The following CDH12 variants were observed in gnomAD, a reference collection of about 807,000 sequenced individuals.
CDH12 encodes the protein cadherin 12, also known as cadherin-12.
In CDH12, 41 loss-of-function variants were observed where a neutral mutation model predicts 74.1. That is an observed-to-expected ratio of 0.55 (90% CI 0.43 to 0.72). CDH12 has a LOEUF of 0.72. CDH12 is among the 30% of genes least tolerant of loss of function. The pLI, the probability that CDH12 is intolerant of heterozygous loss-of-function variation, is 0.00. For missense variants in CDH12, 945 were observed against 977.2 expected (o/e 0.97, Z 0.44); for synonymous variants, 399 against 355.0 (o/e 1.12, Z -1.39).
chr5:22,049,494 A>G (rs1186805517), intron 5 of CDH12, among the ~76,000 whole-genome samples: 2 of 152,014 alleles, frequency 1.3e-5, no homozygotes, highest in Non-Finnish European at 2.9e-5. Context: ...TCCTTGCCTA[A>G]GTTCAGCAGC....
intron 3 of CDH12, among the ~76,000 whole-genome samples, chr5:22,230,126 CAATTTGTTAGT>C (rs1752332306): frequency 6.6e-6 from 1 of 152,032 alleles, no homozygotes; most frequent in Non-Finnish European, 1.5e-5. Context: ...ATGAAAAGCT[CAATTTGTTAGT>C]AAGTGTATGC....
chr5:22,686,458 A>G (rs990329023), intron 1 of CDH12, among the ~76,000 whole-genome samples: 1 of 152,202 alleles, frequency 6.6e-6, no homozygotes, highest in African/African-American at 2.4e-5. Flanking sequence ...GCCTAACTAA[A>G]GGTCATGAAG....
At chr5:21,936,042 G>A (rs1475656552) in intron 6 of CDH12, among the ~76,000 whole-genome samples, 1 of 152,100 alleles carries the variant, frequency 6.6e-6, no homozygotes, top group Non-Finnish European at 1.5e-5. Context: ...TGTGAGTAGT[G>A]CTGCAATAAA....
In CDH12 at chr5:21,760,601, A is replaced by T. The variant is rs1443203303; in HGVS notation, c.1590T>A (p.Pro530=). Residue 530 remains proline, a synonymous_variant, in exon 13 of 15, where the codon CCT becomes CCA. Transcript: ENST00000382254. ...TAAAATTTGGTTTGATAGCAGCCTC[A>T]GGTGATAATCTAAAGGAGAATTGTT... ...AGQQFSFRLS[P]EAAIKPNFTV... 1.2e-6 allele frequency: 2 copies of T among 1,611,054 alleles called. No individual in the cohort carries two copies. The highest frequency in any genetic ancestry group is 1.7e-6 in the Non-Finnish European group (2 of 1,177,696).
intron 4 of CDH12, among the ~76,000 whole-genome samples, chr5:22,126,130 C>CAT (rs1745852485): frequency 6.6e-6 from 1 of 151,920 alleles, no homozygotes; most frequent in Non-Finnish European, 1.5e-5. Context: ...TATAGACCTG[C>CAT]ATATATATAA....
intron 3 of CDH12, among the ~76,000 whole-genome samples, chr5:22,262,387 A>C (rs1468877122): frequency 4.6e-5 from 7 of 151,212 alleles, no homozygotes; most frequent in East Asian, 2.0e-4. Flanking sequence ...TTTGTTCTTG[A>C]GATAGTTTAC....
intron 3 of CDH12, among the ~76,000 whole-genome samples, chr5:22,263,476 T>G (rs1753596425): frequency 6.6e-6 from 1 of 152,106 alleles, no homozygotes; most frequent in African/African-American, 2.4e-5. Flanking sequence ...ATGTTAGGAA[T>G]GTATTAGTAA....
At chr5:22,059,375 CTATCTATCTATCTATCTA>C (rs1741023608) in intron 5 of CDH12, among the ~76,000 whole-genome samples, 1 of 124,286 alleles carries the variant, frequency 8.0e-6, no homozygotes, top group Non-Finnish European at 1.6e-5. Flanking sequence ...ATCTATCTAT[CTATCTATCTATCTATCTA>C]TGTATCTACT....
At chr5:22,533,521 C>G (rs1189387984) in intron 1 of CDH12, among the ~76,000 whole-genome samples, 1 of 152,186 alleles carries the variant, frequency 6.6e-6, no homozygotes, top group Admixed American at 6.5e-5. Context: ...TCAGGAACCT[C>G]ATTTCTTCAA....
chr5:21,835,365 G>A (rs1195762464), intron 8 of CDH12, among the ~76,000 whole-genome samples: 7 of 149,200 alleles, frequency 4.7e-5, no homozygotes, highest in Non-Finnish European at 7.4e-5. Context: ...ACGTATGTGT[G>A]TGTATATATA....
chr5:22,659,427 A>G (rs1050262274), intron 1 of CDH12, among the ~76,000 whole-genome samples: 1 of 151,902 alleles, frequency 6.6e-6, no homozygotes, highest in South Asian at 2.1e-4. Context: ...TGTTAATGAA[A>G]TCAATTTTTA....
rs143459013 is a variant in CDH12, at chr5:21,760,606, A to G, written c.1585T>C (p.Ser529Pro). 1.5e-4 allele frequency: 244 copies of G among 1,612,124 alleles called. 1 individual carries two copies. In the African/African-American group the frequency reaches 3.1e-3, roughly 20 times the overall value. ...PAGQQFSFRL[S>P]PEAAIKPNFT... Reference sequence around the variant, plus strand: ...TTTGGTTTGATAGCAGCCTCAGGTGATAATCTAAAGGAGAATTGTTGCCCA... The same window carrying G: ...TTTGGTTTGATAGCAGCCTCAGGTGGTAATCTAAAGGAGAATTGTTGCCCA... The change falls in exon 13 of 15, where the codon TCA (serine) becomes CCA (proline). Residue 529 changes from serine to proline, a missense_variant. Coordinates refer to ENST00000382254, the MANE Select transcript of CDH12 (RefSeq NM_004061.5).
intron 6 of CDH12, among the ~76,000 whole-genome samples, chr5:21,873,738 G>C (rs1751771081): frequency 6.6e-6 from 1 of 152,080 alleles, no homozygotes; most frequent in Non-Finnish European, 1.5e-5. Context: ...CTATCACCTA[G>C]GTATTTAGCC....
At chr5:22,353,528 C>G (rs1026115910) in intron 3 of CDH12, among the ~76,000 whole-genome samples, 1 of 152,124 alleles carries the variant, frequency 6.6e-6, no homozygotes, top group African/African-American at 2.4e-5. Flanking sequence ...TATTCCATCT[C>G]TAAAATTGAC....
chr5:22,641,960 T>C (rs915667845), intron 1 of CDH12, among the ~76,000 whole-genome samples: 17 of 152,292 alleles, frequency 1.1e-4, no homozygotes, highest in African/African-American at 3.6e-4. Context: ...GGAACAAATG[T>C]GGCCTCCATT....
At chr5:21,790,506 A>G (rs956242680) in intron 10 of CDH12, among the ~76,000 whole-genome samples, 1 of 152,062 alleles carries the variant, frequency 6.6e-6, no homozygotes, top group African/African-American at 2.4e-5. Flanking sequence ...ATTTTTTTGT[A>G]TAGAGAGAAT....
intron 1 of CDH12, among the ~76,000 whole-genome samples, chr5:22,810,551 C>G (rs1749087185): frequency 6.6e-6 from 1 of 151,866 alleles, no homozygotes; most frequent in East Asian, 1.9e-4. Context: ...AGCATTTTAC[C>G]CTCTAAAACC....
At chr5:21,862,675 A>C (rs1031865675) in intron 6 of CDH12, among the ~76,000 whole-genome samples, 1 of 152,208 alleles carries the variant, frequency 6.6e-6, no homozygotes, top group African/African-American at 2.4e-5. Context: ...TTCTAGCATG[A>C]CAGTTTTGTA....
rs192733224 is a variant in CDH12 at position 22,400,577 on chromosome 5, T to C, written c.-333+4680A>G. Among the ~76,000 whole-genome samples the C allele has an allele frequency of 1.3e-3, 205 of 152,174 alleles. 2 individuals are homozygous for C. The highest frequency in any genetic ancestry group is 4.9e-3 in the African/African-American group (203 of 41,536). On this transcript the variant is annotated intron_variant, in intron 3 of 14. Coordinates refer to ENST00000382254, the MANE Select transcript of CDH12 (RefSeq NM_004061.5). ...TCCCAAAGTGCTGGAATTACAGATG[T>C]GAACCACCATGCCTGGCCTGTGCTT...
Sources: allele counts gnomAD v4.1 joint callset (sites outside exome capture counted in the v4.1 genomes callset), GRCh38; gene constraint gnomAD v4.1.1; transcripts MANE v1.5; gene names NCBI Gene and HGNC (gene_info 2026-07-23, HGNC 2026-07-21).